Variants in AGPAT4 observed in about 807,000 individuals in gnomAD.
AGPAT4 encodes 1-acyl-sn-glycerol-3-phosphate acyltransferase delta.
A neutral mutation model predicts 48.0 loss-of-function variants in AGPAT4; 15 were observed. That is an observed-to-expected ratio of 0.31 (90% CI 0.21 to 0.48). AGPAT4 has a LOEUF of 0.48. Among genes scored for constraint, AGPAT4 ranks in the 20% least tolerant of loss-of-function variants. The pLI, the probability that AGPAT4 is intolerant of heterozygous loss-of-function variation, is 0.99. For synonymous variants in AGPAT4, 178 were observed against 198.7 expected (o/e 0.90, Z 0.88); for missense variants, 314 against 482.5 (o/e 0.65, Z 3.27).
rs1779033341 is a variant in AGPAT4, at chr6:161,135,375, T to C, written c.*1165A>G. 1 of 152,278 alleles carries C rather than the reference T, an allele frequency of 6.6e-6. No individual in the cohort carries two copies. Among genetic ancestry groups the C allele is most frequent in the African/African-American group, 2.4e-5 (1 of 41,474 alleles). 9.4% of individuals were successfully genotyped at this position (152,278 alleles called of 1,614,324 possible). ...AAATAGCACTGCTTTTAGTTTCTTC[T>C]TCTTTTGCATTTTTGGCACCTGTTG... On this transcript the variant is annotated 3_prime_UTR_variant, in exon 9 of 9. Coordinates refer to ENST00000320285, the MANE Select transcript of AGPAT4 (RefSeq NM_020133.3).
At chr6:161,260,099 C>G (rs950343115) in intron 1 of AGPAT4, among the ~76,000 whole-genome samples, 7 of 152,190 alleles carry the variant, frequency 4.6e-5, no homozygotes, top group Non-Finnish European at 7.3e-5. Context: ...CCAGCAGCCT[C>G]TCACTGCTTC....
chr6:161,157,739 G>C (rs1348850064), intron 3 of AGPAT4, among the ~76,000 whole-genome samples: 1 of 152,172 alleles, frequency 6.6e-6, no homozygotes, highest in African/African-American at 2.4e-5. Flanking sequence ...AAAATATTAA[G>C]GTAGAAGCTT....
rs1318588235 is a variant in AGPAT4, at chr6:161,146,938, A to G, written c.768-339T>C. ...ATATTTGCCTCTTCCAAAGAGGACAACACTGCCTCAGTTTCCACACGAGAC... is the reference window on the plus strand; with the variant it reads ...ATATTTGCCTCTTCCAAAGAGGACAGCACTGCCTCAGTTTCCACACGAGAC... On this transcript the variant is annotated intron_variant, in intron 6 of 8. Coordinates refer to ENST00000320285, the MANE Select transcript of AGPAT4 (RefSeq NM_020133.3). The surrounding 1 kb of genome is among the most constrained non-coding windows in gnomAD (Gnocchi z 7.1). Among the ~76,000 whole-genome samples the G allele has an allele frequency of 2.6e-5, 4 of 152,142 alleles. No homozygotes were observed. In the East Asian group the frequency reaches 7.7e-4, roughly 29 times the overall value.
chr6:161,174,030 G>C (rs1780356222), intron 2 of AGPAT4, among the ~76,000 whole-genome samples: 1 of 152,194 alleles, frequency 6.6e-6, no homozygotes, highest in Non-Finnish European at 1.5e-5. Flanking sequence ...CCAGCACCAT[G>C]CTGTTTTAGT....
chr6:161,207,374 C>T (rs923635348), intron 2 of AGPAT4, among the ~76,000 whole-genome samples: 5 of 152,204 alleles, frequency 3.3e-5, no homozygotes, highest in Non-Finnish European at 5.9e-5. Flanking sequence ...TCCTGGGTTA[C>T]GTGATCAGTC....
At position 161,202,721 on chromosome 6, in the gene AGPAT4, A is replaced by G. The variant is rs1781268023; in HGVS notation, c.178+29315T>C. 6.6e-6 allele frequency among the ~76,000 whole-genome samples: 1 copy of G among 152,068 alleles called. No homozygotes were observed. The highest frequency in any genetic ancestry group is 2.1e-4 in the South Asian group (1 of 4,814). On this transcript the variant is annotated intron_variant, in intron 2 of 8. Transcript: ENST00000320285. The surrounding 1 kb of genome is among the most constrained non-coding windows in gnomAD (Gnocchi z 5.4). ...CTTTCTTGATCTAAGAGGGCTACTA[A>G]CTTGCTTGTAACCAGGATAATGTGG...
chr6:161,254,573 G>A lies in AGPAT4; in HGVS notation c.-90+19365C>T, dbSNP rs893928348. 1.3e-5 allele frequency among the ~76,000 whole-genome samples: 2 copies of A among 152,116 alleles called. No homozygotes were observed. Among genetic ancestry groups the A allele is most frequent in the African/African-American group, 4.8e-5 (2 of 41,432 alleles). On this transcript the variant is annotated intron_variant, in intron 1 of 8. Coordinates refer to ENST00000320285, the MANE Select transcript of AGPAT4 (RefSeq NM_020133.3). This position sits in a 1 kb window ranked among gnomAD's most constrained non-coding sequence, Gnocchi z 5.9. ...GTTCTTTATGTCCTTTCACTCCTCT[G>A]CTTACAGTAAGAAATAACTAAGTAT...
At chr6:161,211,018 G>C (rs1292876741) in intron 2 of AGPAT4, among the ~76,000 whole-genome samples, 1 of 152,200 alleles carries the variant, frequency 6.6e-6, no homozygotes, top group African/African-American at 2.4e-5. Context: ...AGTTAATTTG[G>C]CCTATGCCCA....
Position 161,145,401 on chromosome 6 carries a change from T to C in AGPAT4, c.843+1123A>G, listed in dbSNP as rs952416206. On this transcript the variant is annotated intron_variant, in intron 7 of 8. Transcript: ENST00000320285. The stretch of plus-strand genomic sequence containing the variant: ...CAGAGAGCAATGCCCATAACCTACA[T>C]AGGAAAGAGGCCCACATGCCAGCTC... Among the ~76,000 whole-genome samples the C allele has an allele frequency of 9.9e-5, 15 of 151,444 alleles. 1 individual carries two copies. Among genetic ancestry groups the C allele is most frequent in the African/African-American group, 2.9e-4 (12 of 40,780 alleles).
chr6:161,254,632 C>A lies in AGPAT4; in HGVS notation c.-90+19306G>T, dbSNP rs1782895749. On this transcript the variant is annotated intron_variant, in intron 1 of 8. Coordinates refer to ENST00000320285, the MANE Select transcript of AGPAT4 (RefSeq NM_020133.3). The surrounding 1 kb of genome is among the most constrained non-coding windows in gnomAD (Gnocchi z 5.9). Reference sequence around the variant, plus strand: ...CGAGGAGAAAATGCCTTCTTACAAACCCTCCAGCTTCCATTCCACTCAGTC... The same window carrying A: ...CGAGGAGAAAATGCCTTCTTACAAAACCTCCAGCTTCCATTCCACTCAGTC... Among the ~76,000 whole-genome samples the A allele has an allele frequency of 6.6e-6, 1 of 152,192 alleles. No individual in the cohort carries two copies. Among genetic ancestry groups the A allele is most frequent in the Non-Finnish European group, 1.5e-5 (1 of 68,048 alleles).
At position 161,219,872 on chromosome 6, in the gene AGPAT4, T is replaced by TAGATAGAC. The variant is rs1375144242; in HGVS notation, c.178+12163_178+12164insGTCTATCT. 4.9e-5 allele frequency among the ~76,000 whole-genome samples: 6 copies of TAGATAGAC among 121,236 alleles called. No homozygotes were observed. Among genetic ancestry groups the TAGATAGAC allele is most frequent in the African/African-American group, 1.1e-4 (4 of 35,336 alleles). The allele number at this position is 121,236 out of a possible 152,430, so 79.5% of individuals were successfully genotyped here. A position where few individuals can be genotyped will look rare whatever the true frequency, so the allele number is the denominator to read the frequency against. ...ATAGATAGATAGATAGATAGATAGA[T>TAGATAGAC]AGGCAGGCAGGCAGGCAGGCAGGCA... On this transcript the variant is annotated intron_variant, in intron 2 of 8. Transcript: ENST00000320285. This position sits in a 1 kb window ranked among gnomAD's most constrained non-coding sequence, Gnocchi z 4.9.
At chr6:161,181,985 A>G (rs1346208120) in intron 2 of AGPAT4, among the ~76,000 whole-genome samples, 1 of 152,132 alleles carries the variant, frequency 6.6e-6, no homozygotes, top group Non-Finnish European at 1.5e-5. Context: ...ATAAAGCATC[A>G]TGGGAGATGA....
At chr6:161,257,016 C>T (rs1044255931) in intron 1 of AGPAT4, among the ~76,000 whole-genome samples, 15 of 152,224 alleles carry the variant, frequency 9.9e-5, no homozygotes, top group African/African-American at 3.4e-4. Flanking sequence ...AGGCAGAGGT[C>T]TTCACTTTTC....
chr6:161,157,576 G>A (rs1779798773), intron 3 of AGPAT4, among the ~76,000 whole-genome samples: 1 of 152,206 alleles, frequency 6.6e-6, no homozygotes, highest in Non-Finnish European at 1.5e-5. Flanking sequence ...GCCTCCCAAA[G>A]TGCTGGGGTA....
rs1360644840 is a variant in AGPAT4 at position 161,184,223 on chromosome 6, G to T, written c.179-17806C>A. Among the ~76,000 whole-genome samples, 2 of 152,076 alleles carry T rather than the reference G, an allele frequency of 1.3e-5. No individual in the cohort carries two copies. Among genetic ancestry groups the T allele is most frequent in the Non-Finnish European group, 2.9e-5 (2 of 68,004 alleles). ...GGCTACTGCAGTCAGCCCAACAGGG[G>T]TGGTGGGCTCGGTGGGCATAGTGGA... On this transcript the variant is annotated intron_variant, in intron 2 of 8. Transcript: ENST00000320285. This position sits in a 1 kb window ranked among gnomAD's most constrained non-coding sequence, Gnocchi z 4.8.
rs1039775224 is a variant in AGPAT4 at position 161,255,033 on chromosome 6, A to G, written c.-90+18905T>C. ...GGCCATTGCAGAGCCAGATACGGTT[A>G]CACAGCCCTTCTGAAGCAAAGATAC... On this transcript the variant is annotated intron_variant, in intron 1 of 8. Transcript: ENST00000320285. This position sits in a 1 kb window ranked among gnomAD's most constrained non-coding sequence, Gnocchi z 4.7. Among the ~76,000 whole-genome samples the G allele has an allele frequency of 6.6e-6, 1 of 152,186 alleles. No homozygotes were observed. The highest frequency in any genetic ancestry group is 2.4e-5 in the African/African-American group (1 of 41,440).
intron 1 of AGPAT4, among the ~76,000 whole-genome samples, chr6:161,257,600 T>C (rs2114744119): frequency 6.6e-6 from 1 of 152,102 alleles, no homozygotes; most frequent in African/African-American, 2.4e-5. Context: ...CATTAAAAAA[T>C]TAAATGAAGA....
At position 161,161,890 on chromosome 6, in the gene AGPAT4, C is replaced by A. The variant is rs1779946239; in HGVS notation, c.348+4358G>T. 1 of 214,936 alleles carries A rather than the reference C, an allele frequency of 4.7e-6. No homozygotes were observed. Among genetic ancestry groups the A allele is most frequent in the African/African-American group, 2.2e-5 (1 of 44,478 alleles). 13.3% of individuals were successfully genotyped at this position (214,936 alleles called of 1,614,324 possible). On this transcript the variant is annotated intron_variant, in intron 3 of 8. Transcript: ENST00000320285. The surrounding 1 kb of genome is among the most constrained non-coding windows in gnomAD (Gnocchi z 4.6). ...GGCGCCCTCACGCACAGGCACTCTG[C>A]CTAGGAGGGATAATGCCACTCTCCT... is the stretch of plus-strand genomic sequence containing the variant.
rs1780468021 is a variant in AGPAT4, at chr6:161,177,762, T to C, written c.179-11345A>G. ...AGAATTTTCAGCTTTTCTGCTCTGG[T>C]TTCTCCCCATCTTTGTGGTTTTATC... is the stretch of plus-strand genomic sequence containing the variant. On this transcript the variant is annotated intron_variant, in intron 2 of 8. Transcript: ENST00000320285. The surrounding 1 kb of genome is among the most constrained non-coding windows in gnomAD (Gnocchi z 5.0). Among the ~76,000 whole-genome samples the C allele has an allele frequency of 6.6e-6, 1 of 152,202 alleles. No homozygotes were observed. Among genetic ancestry groups the C allele is most frequent in the Non-Finnish European group, 1.5e-5 (1 of 68,032 alleles).
Sources: allele counts gnomAD v4.1 joint callset (sites outside exome capture counted in the v4.1 genomes callset), GRCh38; gene constraint gnomAD v4.1.1; non-coding constraint Gnocchi (gnomAD v3.1); transcripts MANE v1.5; gene names NCBI Gene and HGNC (gene_info 2026-07-23, HGNC 2026-07-21).